The following XYLT1 variants were observed in gnomAD, a reference collection of about 807,000 sequenced individuals.
The protein encoded by XYLT1 is beta-D-xylosyltransferase 1.
Under a neutral mutation model 91.3 loss-of-function variants are expected in XYLT1, and 36 were observed. The ratio of observed to expected loss-of-function variants is 0.39; its 90% CI spans 0.30 to 0.52. The LOEUF (loss-of-function observed/expected upper bound fraction) is 0.52, where lower values mean the gene tolerates loss of function less well. Ranked by LOEUF, XYLT1 falls within the 20% of genes least tolerant of loss-of-function variation. The pLI is 0.68. For synonymous variants in XYLT1, 588 were observed against 532.0 expected, an observed-to-expected ratio of 1.11 and a Z score of -1.45; for missense variants, 1,242 against 1,284.5, an observed-to-expected ratio of 0.97 and a Z score of 0.51.
intron 3 of XYLT1, among the ~76,000 whole-genome samples, chr16:17,203,667 C>A (rs1183965898): frequency 6.6e-6 from 1 of 152,176 alleles, no homozygotes; most frequent in African/African-American, 2.4e-5. Context: ...TCCACCCATT[C>A]ATCCATACAT....
At chr16:17,121,074 G>A (rs1445346698) in intron 10 of XYLT1, among the ~76,000 whole-genome samples, 1 of 152,120 alleles carries the variant, frequency 6.6e-6, no homozygotes, top group Non-Finnish European at 1.5e-5. Context: ...ATGAGTAGGG[G>A]CTGAACACAT....
At chr16:17,168,018 T>TC (rs1274155350) in intron 5 of XYLT1, among the ~76,000 whole-genome samples, 1 of 152,154 alleles carries the variant, frequency 6.6e-6, no homozygotes, top group African/African-American at 2.4e-5. Context: ...ATCAGGGAAG[T>TC]CCAGGGTTGC....
chr16:17,400,942 C>T (rs1214941033), intron 1 of XYLT1, among the ~76,000 whole-genome samples: 3 of 151,358 alleles, frequency 2.0e-5, no homozygotes, highest in Admixed American at 1.3e-4. Context: ...ATGACATAAT[C>T]CAGCTCTCTC....
intron 2 of XYLT1, among the ~76,000 whole-genome samples, chr16:17,319,122 G>C (rs1486201248): frequency 1.3e-5 from 2 of 152,010 alleles, no homozygotes; most frequent in Non-Finnish European, 2.9e-5. Context: ...ACTTGAATGA[G>C]CTACCTCCAC....
At chr16:17,263,859 C>T (rs2033761962) in intron 2 of XYLT1, among the ~76,000 whole-genome samples, 1 of 152,226 alleles carries the variant, frequency 6.6e-6, no homozygotes, top group Non-Finnish European at 1.5e-5. Context: ...CAGGTGTGTG[C>T]TACCACGCCC....
At chr16:17,248,272 C>T (rs1454784241) in intron 3 of XYLT1, among the ~76,000 whole-genome samples, 2 of 152,194 alleles carry the variant, frequency 1.3e-5, no homozygotes, top group African/African-American at 4.8e-5. Context: ...TTTGAGGCCT[C>T]CTCGGCCACA....
At chr16:17,357,121 A>G (rs1567390638) in intron 2 of XYLT1, among the ~76,000 whole-genome samples, 1 of 142,188 alleles carries the variant, frequency 7.0e-6, no homozygotes, top group African/African-American at 2.6e-5. Context: ...AGCTTGCAGT[A>G]AGCCGAGATC....
At chr16:17,338,713 T>C (rs74013021) in intron 2 of XYLT1, among the ~76,000 whole-genome samples, 18,994 of 152,140 alleles carry the variant, frequency 0.12, 1,610 homozygotes, top group African/African-American at 0.23. Flanking sequence ...GCTTCCAAAG[T>C]AGCTGGGACT....
chr16:17,361,898 T>C (rs1489534049), intron 1 of XYLT1, among the ~76,000 whole-genome samples: 1 of 152,236 alleles, frequency 6.6e-6, no homozygotes, highest in East Asian at 1.9e-4. Flanking sequence ...CTCACTATGT[T>C]CCAGGCACTG....
chr16:17,366,385 G>A (rs772572295), intron 1 of XYLT1, among the ~76,000 whole-genome samples: 17 of 152,146 alleles, frequency 1.1e-4, no homozygotes, highest in Non-Finnish European at 2.4e-4. Flanking sequence ...TACTGTAAGG[G>A]GTTTGTAAAT....
At chr16:17,332,714 T>C (rs1478920797) in intron 2 of XYLT1, among the ~76,000 whole-genome samples, 6 of 152,108 alleles carry the variant, frequency 3.9e-5, no homozygotes, top group Non-Finnish European at 8.8e-5. Flanking sequence ...AGGTGGACAC[T>C]GGTCAGTTTT....
chr16:17,419,037 C>T (rs1413854954), intron 1 of XYLT1, among the ~76,000 whole-genome samples: 1 of 151,852 alleles, frequency 6.6e-6, no homozygotes, highest in Non-Finnish European at 1.5e-5. Flanking sequence ...TTCGCCCAAC[C>T]CTAGTACACA....
At chr16:17,349,253 T>G (rs2035187118) in intron 2 of XYLT1, among the ~76,000 whole-genome samples, 1 of 152,254 alleles carries the variant, frequency 6.6e-6, no homozygotes, top group Admixed American at 6.5e-5. Flanking sequence ...GCAAGCAAGA[T>G]CTAATCTATA....
At chr16:17,198,013 C>G in intron 5 of XYLT1, 199 bp downstream of exon 5, 1 of 639,298 alleles carries the variant, frequency 1.6e-6, no homozygotes, top group Non-Finnish European at 2.7e-6. Flanking sequence ...CTGGGAAAAC[C>G]ACGTGCTCAG....
At position 17,117,096 on chromosome 16, in the gene XYLT1, G is replaced by A. The variant is rs115496234; in HGVS notation, c.2557+550C>T. ...AAGCAGAAGCAGGCAACATGTACAT[G>A]AATGAGCATGGTGACTGTGTTCCAA... On this transcript the variant is annotated intron_variant, in intron 11 of 11. Transcript: ENST00000261381. Among the ~76,000 whole-genome samples the A allele has an allele frequency of 4.2e-3, 641 of 152,262 alleles. 7 individuals are homozygous for A. The highest frequency in any genetic ancestry group is 0.015 in the African/African-American group (620 of 41,550).
intron 3 of XYLT1, among the ~76,000 whole-genome samples, chr16:17,232,292 A>T (rs552434949): frequency 6.9e-6 from 1 of 144,042 alleles, no homozygotes; most frequent in African/African-American, 2.5e-5. Context: ...AGATTATAAT[A>T]TCTATATCTA....
chr16:17,438,547 AGCGTTCACATCTG>A (rs2036491169), intron 1 of XYLT1, among the ~76,000 whole-genome samples: 2 of 152,026 alleles, frequency 1.3e-5, no homozygotes, highest in East Asian at 3.9e-4. Flanking sequence ...TCAGACTACC[AGCGTTCACATCTG>A]TATCAGTTCA....
chr16:17,367,268 A>G (rs1451383252), intron 1 of XYLT1, among the ~76,000 whole-genome samples: 2 of 152,196 alleles, frequency 1.3e-5, no homozygotes, highest in Non-Finnish European at 2.9e-5. Context: ...GCCACGTGCC[A>G]AGAAGGCAGC....
chr16:17,452,189 A>C (rs538707535), intron 1 of XYLT1, among the ~76,000 whole-genome samples: 1 of 152,204 alleles, frequency 6.6e-6, no homozygotes, highest in Non-Finnish European at 1.5e-5. Context: ...TGGTTGGGTC[A>C]TTAAAGGATC....
Sources: allele counts gnomAD v4.1 joint callset (sites outside exome capture counted in the v4.1 genomes callset), GRCh38; gene constraint gnomAD v4.1.1; transcripts MANE v1.5; gene names NCBI Gene and HGNC (gene_info 2026-07-23, HGNC 2026-07-21).